The following ASB6 variants were observed in gnomAD, a reference collection of about 807,000 sequenced individuals.
The protein encoded by ASB6 is ankyrin repeat and SOCS box protein 6.
ASB6 carries 24 observed loss-of-function variants against 28.6 expected under a neutral mutation model. The observed-to-expected ratio is 0.84, with a 90% CI of 0.61 to 1.18. The LOEUF (loss-of-function observed/expected upper bound fraction) is 1.18, where lower values mean the gene tolerates loss of function less well. Ranked by LOEUF, ASB6 falls within the 50% of genes most tolerant of loss-of-function variation. The pLI is 0.00. For missense variants in ASB6, 519 were observed against 559.8 expected (o/e 0.93, Z 0.74); for synonymous variants, 267 against 243.4 (o/e 1.10, Z -0.90).
chr9:129,639,708 T>C (rs890144872), intron 2 of ASB6, among the ~76,000 whole-genome samples, 200 bp from the exon 3 acceptor site: 9 of 152,342 alleles, frequency 5.9e-5, no homozygotes, highest in African/African-American at 2.2e-4. Context: ...GGCACGCTAC[T>C]GAAGCTGTTG....
At chr9:129,640,511 C>T in intron 2 of ASB6, 30 bp downstream of exon 2, 4 of 1,589,172 alleles carry the variant, frequency 2.5e-6, no homozygotes, top group Non-Finnish European at 2.6e-6. Context: ...GCGTTTAAGC[C>T]ACCTGCCCAC....
At position 129,637,840 on chromosome 9, in the gene ASB6, TC is replaced by T; in HGVS notation, c.1215del (p.Lys406SerfsTer47). ...CTGTGCTCGCTAAGGAGGTACCACT[TC>T]AGCCTGTCGGGCAGAGGCAGGGCTT... The part of the protein sequence containing the change: ...KVKALPLPDR[L>X]KWYLLSEHSG... On this transcript the variant is annotated frameshift_variant, in exon 6 of 6. Transcript: ENST00000277458. LOFTEE classifies it high-confidence loss of function. 1 of 1,525,408 alleles carries T rather than the reference TC, an allele frequency of 6.6e-7. No individual in the cohort carries two copies. The highest frequency in any genetic ancestry group is 1.3e-5 in the South Asian group (1 of 76,320). The allele number at this position is 1,525,408 out of a possible 1,614,324, so 94.5% of individuals were successfully genotyped here. A position where few individuals can be genotyped will look rare whatever the true frequency, so the allele number is the denominator to read the frequency against.
chr9:129,637,930 T>G lies in ASB6; in HGVS notation c.1126A>C (p.Lys376Gln). The G allele has an allele frequency of 1.3e-6, 2 of 1,591,934 alleles. No individual in the cohort carries two copies. Among genetic ancestry groups the G allele is most frequent in the Non-Finnish European group, 1.7e-6 (2 of 1,168,294 alleles). ...RQLESYPPPL[K>Q]HLCRVAIRLY... ...CGGATGGCCACACGGCACAGGTGCTTGAGGGGCGGGGGATAGCTCTCCAGC... is the reference window on the plus strand; with the variant it reads ...CGGATGGCCACACGGCACAGGTGCTGGAGGGGCGGGGGATAGCTCTCCAGC... Residue 376 changes from lysine (K) to glutamine (Q), a missense_variant, in exon 6 of 6, where the codon AAG becomes CAG. Coordinates refer to ENST00000277458, the MANE Select transcript of ASB6 (RefSeq NM_017873.4).
In ASB6 at chr9:129,640,700, C is replaced by T; in HGVS notation, c.136G>A (p.Glu46Lys). The T allele has an allele frequency of 6.2e-7, 1 of 1,614,104 alleles. No individual in the cohort carries two copies. Among genetic ancestry groups the T allele is most frequent in the Non-Finnish European group, 8.5e-7 (1 of 1,180,010 alleles). Residue 46 changes from glutamate (E) to lysine (K), a missense_variant, in exon 2 of 6, where the codon GAG (glutamate) becomes AAG (lysine). Physicochemically the swap from Glu to Lys is moderately conservative, Grantham distance 56. Transcript: ENST00000277458. Reference sequence around the variant, plus strand: ...TCAGTGAGAACAAGGATTCGGCTCTCCTCGCTGGCGACATAACTGGGCCTG... The same window carrying T: ...TCAGTGAGAACAAGGATTCGGCTCTTCTCGCTGGCGACATAACTGGGCCTG... Reference protein sequence around the residue: ...LDRPSYVASEESRILVLTELL... With the variant: ...LDRPSYVASEKSRILVLTELL...
In ASB6 at chr9:129,635,112, C is replaced by A. The variant is rs147302282; in HGVS notation, c.*2678G>T. 2.7e-4 allele frequency: 387 copies of A among 1,457,496 alleles called. 1 individual carries two copies. The African/African-American group carries it at 5.0e-3, about 19-fold the overall frequency. The allele number at this position is 1,457,496 out of a possible 1,614,324, so 90.3% of individuals were successfully genotyped here. On this transcript the variant is annotated 3_prime_UTR_variant, in exon 6 of 6. Transcript: ENST00000277458. ...ATGTGTGCACACAAAATGCTGGGCA[C>A]AAATGAGGGGCTCAGCGGGGCTGAG...
At chr9:129,640,165 GA>G (rs1012357684) in intron 2 of ASB6, among the ~76,000 whole-genome samples, 157 of 145,156 alleles carry the variant, frequency 1.1e-3, no homozygotes, top group South Asian at 6.2e-3. Flanking sequence ...TACGGCATGA[GA>G]AAAAAAAAAA....
In ASB6 at chr9:129,639,200, A is replaced by T; in HGVS notation, c.511+2T>A. The T allele has an allele frequency of 6.2e-7, 1 of 1,602,940 alleles. No homozygotes were observed. The highest frequency in any genetic ancestry group is 1.3e-5 in the African/African-American group (1 of 74,788). On this transcript the variant is annotated splice_donor_variant, in intron 4 of 5. Coordinates refer to ENST00000277458, the MANE Select transcript of ASB6 (RefSeq NM_017873.4). LOFTEE classifies it high-confidence loss of function. ...TCCTGCTTTCCTGCAGGAGGCACCC[A>T]CCATGCTTGTCAGCGGCATTGACAT...
chr9:129,641,861 C>A, intron 1 of ASB6, 26 bp downstream of exon 1: 1 of 1,568,354 alleles, frequency 6.4e-7, no homozygotes, highest in Non-Finnish European at 8.7e-7. Flanking sequence ...GCGGCCTCGG[C>A]CAGCTCACGG....
Position 129,635,004 on chromosome 9 carries a change from A to G in ASB6, c.*2786T>C. On this transcript the variant is annotated 3_prime_UTR_variant, in exon 6 of 6. Transcript: ENST00000277458. ...TCAAATTCTGGCTTAATGTGTCTTT[A>G]GGTAGATGACCTCTGAGCCACAGTT... The G allele has an allele frequency of 1.6e-6, 1 of 615,982 alleles. No individual in the cohort carries two copies. Among genetic ancestry groups the G allele is most frequent in the South Asian group, 2.1e-5 (1 of 48,392 alleles). 38.2% of individuals were successfully genotyped at this position (615,982 alleles called of 1,614,324 possible). A position where few individuals can be genotyped will look rare whatever the true frequency, so the allele number is the denominator to read the frequency against.
chr9:129,640,188 A>G (rs955962754), intron 2 of ASB6, among the ~76,000 whole-genome samples: 2 of 152,026 alleles, frequency 1.3e-5, no homozygotes, highest in Admixed American at 1.3e-4. Context: ...AAATTGGCTC[A>G]GAGTAAGTAG....
At position 129,640,578 on chromosome 9, in the gene ASB6, G is replaced by C; in HGVS notation, c.258C>G (p.Asp86Glu). 2 of 1,612,342 alleles carry C rather than the reference G, an allele frequency of 1.2e-6. No individual in the cohort carries two copies. Among genetic ancestry groups the C allele is most frequent in the Non-Finnish European group, 1.7e-6 (2 of 1,179,616 alleles). The change falls in exon 2 of 6, where the codon GAC (aspartate) becomes GAG (glutamate). Residue 86 changes from aspartate to glutamate, a missense_variant. By Grantham distance (45) the Asp-to-Glu change is conservative. Coordinates refer to ENST00000277458, the MANE Select transcript of ASB6 (RefSeq NM_017873.4). ...GATTGGCCCCATGCCGCAAGAGAAC[G>C]TCGGCCGCCCGCGTCAGCCCCAGCT... ...MAELGLTRAA[D>E]VLLRHGANLN...
chr9:129,634,869 C>T lies in ASB6; in HGVS notation c.*2921G>A. 1 of 317,996 alleles carries T rather than the reference C, an allele frequency of 3.1e-6. No homozygotes were observed. The highest frequency in any genetic ancestry group is 3.6e-5 in the South Asian group (1 of 27,890). The allele number at this position is 317,996 out of a possible 1,614,324, so 19.7% of individuals were successfully genotyped here. Reference sequence around the variant, plus strand: ...GGGAAGGCAGTCTCTCTGGGAGCTCCTGCAATGCCAAACTCTTAGCCCAGG... The same window carrying T: ...GGGAAGGCAGTCTCTCTGGGAGCTCTTGCAATGCCAAACTCTTAGCCCAGG... On this transcript the variant is annotated 3_prime_UTR_variant, in exon 6 of 6. Transcript: ENST00000277458.
chr9:129,636,942 T>G lies in ASB6; in HGVS notation c.*848A>C, dbSNP rs1006233235. ...CTTATAATATAAATATATCATTTAGTCACCTCAGCTTATCCCCAGAGGTGT... is the reference window on the plus strand; with the variant it reads ...CTTATAATATAAATATATCATTTAGGCACCTCAGCTTATCCCCAGAGGTGT... On this transcript the variant is annotated 3_prime_UTR_variant, in exon 6 of 6. Transcript: ENST00000277458. 4 of 152,184 alleles carry G rather than the reference T, an allele frequency of 2.6e-5. No individual in the cohort carries two copies. Among genetic ancestry groups the G allele is most frequent in the African/African-American group, 9.7e-5 (4 of 41,424 alleles). The allele number at this position is 152,184 out of a possible 1,614,324, so 9.4% of individuals were successfully genotyped here.
intron 1 of ASB6, 56 bp from the exon 2 acceptor site, chr9:129,640,778 A>G: frequency 1.9e-6 from 3 of 1,600,786 alleles, no homozygotes; most frequent in Non-Finnish European, 2.6e-6. Context: ...GTGACCGCGC[A>G]GCCTGTGGGT....
chr9:129,640,768 G>C (rs763831822), intron 1 of ASB6, 46 bp from the exon 2 acceptor site: 2 of 1,608,322 alleles, frequency 1.2e-6, no homozygotes, highest in Non-Finnish European at 8.5e-7. Context: ...GTGGGACCGG[G>C]TGACCGCGCA....
Position 129,638,730 on chromosome 9 carries a change from G to A in ASB6, c.512-71C>T, listed in dbSNP as rs112162300. On this transcript the variant is annotated intron_variant, in intron 4 of 5. Transcript: ENST00000277458. ...CAGGTCAGGGCAACCCAGAGGAGGT[G>A]GCAGAAATCCAGACACTCAGAGGAT... The A allele has an allele frequency of 1.6e-3, 2,076 of 1,267,434 alleles. 28 individuals are homozygous for A. In the African/African-American group the frequency reaches 0.027, roughly 16 times the overall value. 78.5% of individuals were successfully genotyped at this position (1,267,434 alleles called of 1,614,324 possible).
intron 1 of ASB6, 47 bp downstream of exon 1, chr9:129,641,840 G>A (rs1243971441): frequency 3.3e-6 from 5 of 1,525,538 alleles, no homozygotes; most frequent in Non-Finnish European, 4.4e-6. Context: ...GTGGGACGCT[G>A]CGGGGTCGGA....
chr9:129,635,169 T>C lies in ASB6; in HGVS notation c.*2621A>G, dbSNP rs968095149. 2 of 1,585,878 alleles carry C rather than the reference T, an allele frequency of 1.3e-6. No homozygotes were observed. Among genetic ancestry groups the C allele is most frequent in the Non-Finnish European group, 1.7e-6 (2 of 1,169,762 alleles). ...ATCCCATCCAGTGCCGACATCCGCT[T>C]GCATGGTGCCCTGGTAACCTTGCCT... On this transcript the variant is annotated 3_prime_UTR_variant, in exon 6 of 6. Coordinates refer to ENST00000277458, the MANE Select transcript of ASB6 (RefSeq NM_017873.4).
At chr9:129,639,176 C>T (rs1262521058) in intron 4 of ASB6, 26 bp downstream of exon 4, 1 of 1,581,944 alleles carries the variant, frequency 6.3e-7, no homozygotes, top group African/African-American at 1.3e-5. Context: ...GCCCAGCTGT[C>T]CTGCTTTCCT....
Sources: gnomAD v4.1 joint callset for allele counts (sites outside exome capture counted in the v4.1 genomes callset) on GRCh38, gnomAD v4.1.1 for gene constraint, MANE v1.5 for transcripts, NCBI Gene and HGNC (gene_info 2026-07-23, HGNC 2026-07-21) for gene names.